Variants in TRAK2 observed in about 807,000 individuals in gnomAD.
The protein encoded by TRAK2 is trafficking kinesin-binding protein 2.
In TRAK2, 81 loss-of-function variants were observed where a neutral mutation model predicts 104.6. That is an observed-to-expected ratio of 0.77 (90% CI 0.65 to 0.93). The LOEUF (loss-of-function observed/expected upper bound fraction) is 0.93, where lower values mean the gene tolerates loss of function less well. Ranked by LOEUF, TRAK2 falls within the 40% of genes least tolerant of loss-of-function variation. The pLI is 0.00. For synonymous variants in TRAK2, 406 were observed against 394.4 expected (o/e 1.03, Z -0.35); for missense variants, 1,002 against 1,089.0 (o/e 0.92, Z 1.12).
chr2:201,388,210 G>A, intron 12 of TRAK2: 2 of 583,812 alleles, frequency 3.4e-6, no homozygotes, highest in Non-Finnish European at 6.2e-6. Context: ...TGACTTGAAA[G>A]GCAAGATAAT....
chr2:201,384,017 T>C, intron 15 of TRAK2, 94 bp downstream of exon 15: 1 of 790,988 alleles, frequency 1.3e-6, no homozygotes, highest in Non-Finnish European at 2.1e-6. Context: ...TAATTAACAT[T>C]CTGGAAATTA....
At chr2:201,441,241 T>C (rs1282524191) in intron 1 of TRAK2, among the ~76,000 whole-genome samples, 1 of 152,248 alleles carries the variant, frequency 6.6e-6, no homozygotes, top group African/African-American at 2.4e-5. Flanking sequence ...ATCATTTTTA[T>C]AGCAATGACA....
In TRAK2 at chr2:201,386,464, A is replaced by G. The variant is rs1361068406; in HGVS notation, c.1717T>C (p.Trp573Arg). 3.7e-6 allele frequency: 6 copies of G among 1,614,172 alleles called. No homozygotes were observed. Among genetic ancestry groups the G allele is most frequent in the Non-Finnish European group, 5.1e-6 (6 of 1,180,002 alleles). The change falls in exon 14 of 16, where the codon TGG becomes CGG. Residue 573 changes from tryptophan (W) to arginine (R), a missense_variant. Trp to Arg is a moderately radical substitution (Grantham distance 101). Coordinates refer to ENST00000332624, the MANE Select transcript of TRAK2 (RefSeq NM_015049.3). The part of the protein sequence containing the change: ...PLEGSQTLYH[W>R]QQLAQPNLGT... ...AAGTTTGGTTGAGCAAGCTGCTGCCAGTGATACAGAGTTTGTGATCCTGAA... is the reference window on the plus strand; with the variant it reads ...AAGTTTGGTTGAGCAAGCTGCTGCCGGTGATACAGAGTTTGTGATCCTGAA...
chr2:201,398,450 A>G, intron 5 of TRAK2, 96 bp from the exon 6 acceptor site: 2 of 1,173,866 alleles, frequency 1.7e-6, no homozygotes, highest in South Asian at 3.1e-5. Context: ...TTTCATCACA[A>G]AAGAAAATCA....
At position 201,380,790 on chromosome 2, in the gene TRAK2, T is replaced by A. The variant is rs1951334630; in HGVS notation, c.2498A>T (p.Asn833Ile). 6.2e-7 allele frequency: 1 copy of A among 1,614,118 alleles called. No homozygotes were observed. Among genetic ancestry groups the A allele is most frequent in the East Asian group, 2.2e-5 (1 of 44,882 alleles). The change falls in exon 16 of 16, where the codon AAC becomes ATC. Residue 833 changes from asparagine to isoleucine, a missense_variant. By Grantham distance (149) the Asn-to-Ile change is moderately radical. Coordinates refer to ENST00000332624, the MANE Select transcript of TRAK2 (RefSeq NM_015049.3). The part of the protein sequence containing the change: ...NPPDVGQLKM[N>I]LVDRLKRLGI... The stretch of plus-strand genomic sequence containing the variant: ...CAGTCTCTTCAGCCTGTCCACTAAG[T>A]TCATCTTCAACTGGCCAACATCAGG...
chr2:201,441,178 T>C (rs563100035), intron 1 of TRAK2, among the ~76,000 whole-genome samples: 5 of 152,242 alleles, frequency 3.3e-5, no homozygotes, highest in Non-Finnish European at 4.4e-5. Flanking sequence ...AAAACACTTA[T>C]GTGCTTTATG....
chr2:201,384,132 T>C lies in TRAK2; in HGVS notation c.2048A>G (p.Asp683Gly), dbSNP rs1951367414. Residue 683 changes from aspartate to glycine, a missense_variant, in exon 15 of 16, where the codon GAC becomes GGC. Coordinates refer to ENST00000332624, the MANE Select transcript of TRAK2 (RefSeq NM_015049.3). ...TTACCTGGGGGTAACCTGAGTGATG[T>C]CAGAGGGATGTAATATTCTACAGGT... ...FTTCRILHPS[D>G]ITQVTPSSGF... The C allele has an allele frequency of 2.5e-6, 4 of 1,613,150 alleles. No homozygotes were observed. In the East Asian group the frequency reaches 8.9e-5, roughly 36 times the overall value.
At chr2:201,396,073 AG>A (rs1951498608) in intron 7 of TRAK2, among the ~76,000 whole-genome samples, 1 of 152,216 alleles carries the variant, frequency 6.6e-6, no homozygotes, top group African/African-American at 2.4e-5. Context: ...GAATTCCACT[AG>A]GAATTTATTC....
intron 3 of TRAK2, among the ~76,000 whole-genome samples, chr2:201,403,223 C>T (rs2125647776): frequency 6.6e-6 from 1 of 152,292 alleles, no homozygotes; most frequent in South Asian, 2.1e-4. Flanking sequence ...TGCTTACCAT[C>T]TGTCACAGCA....
rs760822252 is a variant in TRAK2, at chr2:201,380,497, T to A, written c.*46A>T. 2 of 1,572,630 alleles carry A rather than the reference T, an allele frequency of 1.3e-6. No individual in the cohort carries two copies. Among genetic ancestry groups the A allele is most frequent in the South Asian group, 2.3e-5 (2 of 86,740 alleles). On this transcript the variant is annotated 3_prime_UTR_variant, in exon 16 of 16. Coordinates refer to ENST00000332624, the MANE Select transcript of TRAK2 (RefSeq NM_015049.3). ...GACCACATGTTTCAGTGCATATCTATCCTTCATGTGCTAACTTGTATAAAA... is the reference window on the plus strand; with the variant it reads ...GACCACATGTTTCAGTGCATATCTAACCTTCATGTGCTAACTTGTATAAAA...
At chr2:201,393,153 C>G in intron 9 of TRAK2, 107 bp from the exon 10 acceptor site, 1 of 1,099,436 alleles carries the variant, frequency 9.1e-7, no homozygotes, top group Non-Finnish European at 1.3e-6. Flanking sequence ...AGAGGGCTAG[C>G]TAACTTTATG....
Position 201,398,364 on chromosome 2 carries a change from TA to T in TRAK2, c.481-11del, listed in dbSNP as rs1951520940. 6.2e-7 allele frequency: 1 copy of T among 1,604,474 alleles called. No individual in the cohort carries two copies. Among genetic ancestry groups the T allele is most frequent in the Non-Finnish European group, 8.5e-7 (1 of 1,172,608 alleles). ...GCTGCAGCTGATTAACCTGTCCATA[TA>T]AAATGCTTGATTTTCATGTTCTTTA... On this transcript the variant is annotated splice_polypyrimidine_tract_variant and intron_variant, in intron 5 of 15. Coordinates refer to ENST00000332624, the MANE Select transcript of TRAK2 (RefSeq NM_015049.3).
chr2:201,399,397 A>G lies in TRAK2; in HGVS notation c.460T>C (p.Leu154=), dbSNP rs557805740. The change falls in exon 5 of 16, where the codon TTG becomes CTG. Residue 154 remains leucine (L), a synonymous_variant. Coordinates refer to ENST00000332624, the MANE Select transcript of TRAK2 (RefSeq NM_015049.3). ...CTTACTTGATCAAAGGCTTGTCCCA[A>G]TTGCTCCTCCAGGGATTCGTTCTGC... is the stretch of plus-strand genomic sequence containing the variant. ...SEQNESLEEQ[L]GQAFDQVNQL... 4.0e-5 allele frequency: 65 copies of G among 1,611,064 alleles called. No individual in the cohort carries two copies. In the South Asian group the frequency reaches 5.4e-4, roughly 13 times the overall value.
At chr2:201,390,281 A>G (rs1951433566) in intron 10 of TRAK2, among the ~76,000 whole-genome samples, 1 of 151,728 alleles carries the variant, frequency 6.6e-6, no homozygotes, top group South Asian at 2.1e-4. Context: ...GCGGTGGCTC[A>G]CACCTGTAAT....
intron 2 of TRAK2, among the ~76,000 whole-genome samples, chr2:201,415,959 A>G (rs925041351): frequency 3.7e-4 from 57 of 152,300 alleles, no homozygotes; most frequent in Non-Finnish European, 4.7e-4. Flanking sequence ...AGATAGGAAA[A>G]AAAGAACATT....
intron 1 of TRAK2, among the ~76,000 whole-genome samples, chr2:201,442,035 A>T (rs760973312): frequency 2.6e-5 from 4 of 151,430 alleles, no homozygotes; most frequent in Non-Finnish European, 5.9e-5. Flanking sequence ...TTTTGTTTCA[A>T]CTTACACCAC....
chr2:201,391,445 T>C (rs573909006), intron 10 of TRAK2, among the ~76,000 whole-genome samples: 2 of 152,266 alleles, frequency 1.3e-5, no homozygotes, highest in East Asian at 3.9e-4. Flanking sequence ...ATCACTGTAA[T>C]AACTCTGCCA....
At chr2:201,399,607 A>G (rs1951532607) in intron 4 of TRAK2, 114 bp from the exon 5 acceptor site, 1 of 691,322 alleles carries the variant, frequency 1.4e-6, no homozygotes, top group East Asian at 2.6e-5. Flanking sequence ...GAAAGCATCA[A>G]GATTCATTCA....
chr2:201,439,469 A>G (rs2125661971), intron 1 of TRAK2, among the ~76,000 whole-genome samples: 1 of 152,214 alleles, frequency 6.6e-6, no homozygotes, highest in Non-Finnish European at 1.5e-5. Context: ...AAGTTAACAC[A>G]TGATAACGAG....
Sources: gnomAD v4.1 joint callset for allele counts (sites outside exome capture counted in the v4.1 genomes callset) on GRCh38, gnomAD v4.1.1 for gene constraint, MANE v1.5 for transcripts, NCBI Gene and HGNC (gene_info 2026-07-23, HGNC 2026-07-21) for gene names.